SPTAN1: variants seen among roughly 807,000 people sequenced by gnomAD.
The protein encoded by SPTAN1 is spectrin alpha chain, non-erythrocytic 1.
SPTAN1 carries 61 observed loss-of-function variants against 331.3 expected under a neutral mutation model. The observed-to-expected ratio is 0.18, with a 90% CI of 0.15 to 0.23. The LOEUF is 0.23. Ranked by LOEUF, SPTAN1 falls within the 10% of genes least tolerant of loss-of-function variation. SPTAN1 has a pLI of 1.00. For synonymous variants in SPTAN1, 1,153 were observed against 1,173.9 expected, an observed-to-expected ratio of 0.98 and a Z score of 0.36; for missense variants, 2,043 against 3,147.9, an observed-to-expected ratio of 0.65 and a Z score of 8.40.
At chr9:128,628,242 A>G (rs1484161369) in intron 51 of SPTAN1, 1 of 547,174 alleles carries the variant, frequency 1.8e-6, no homozygotes, top group African/African-American at 1.9e-5. Flanking sequence ...GCTGGAGTCC[A>G]GAGGCCCTAA....
At chr9:128,595,620 C>T (rs1390159743) in intron 24 of SPTAN1, among the ~76,000 whole-genome samples, 6 of 152,010 alleles carry the variant, frequency 3.9e-5, no homozygotes, top group Non-Finnish European at 1.5e-5. Context: ...TTAGTACATT[C>T]ACAGTGTTGT....
At chr9:128,604,579 A>T (rs1020015178) in intron 29 of SPTAN1, among the ~76,000 whole-genome samples, 162 bp downstream of exon 29, 5 of 152,236 alleles carry the variant, frequency 3.3e-5, no homozygotes, top group African/African-American at 1.2e-4. Flanking sequence ...TAAGTGAATT[A>T]TTTGGCTTTT....
chr9:128,613,998 C>CCA (rs561468959), intron 40 of SPTAN1, among the ~76,000 whole-genome samples: 2 of 149,944 alleles, frequency 1.3e-5, no homozygotes, highest in South Asian at 4.2e-4. Context: ...GAGCAAGACT[C>CCA]CATCTCAAAA....
rs1060504931 is a variant in SPTAN1, at chr9:128,624,468, C to T, written c.5973C>T (p.Asp1991=). The change falls in exon 46 of 57, where the codon GAC becomes GAT. Residue 1991 remains aspartate (D), a synonymous_variant. Transcript: ENST00000372739. ...SAFLQFNWKA[D]VVESWIGEKE... ...TCCTTCAGTTCAACTGGAAGGCGGACGTGGTGGAGTCCTGGATCGGTGAGC... is the reference window on the plus strand; with the variant it reads ...TCCTTCAGTTCAACTGGAAGGCGGATGTGGTGGAGTCCTGGATCGGTGAGC... 3.7e-6 allele frequency: 6 copies of T among 1,613,296 alleles called. No individual in the cohort carries two copies. The highest frequency in any genetic ancestry group is 1.7e-5 in the Admixed American group (1 of 60,006).
At chr9:128,600,243 G>GTTCTCCTGTA in intron 27 of SPTAN1, 128 bp downstream of exon 27, 1 of 1,040,980 alleles carries the variant, frequency 9.6e-7, no homozygotes, top group African/African-American at 1.6e-5. Flanking sequence ...TGTTTGGGCT[G>GTTCTCCTGTA]GTTTCTTTCT....
Position 128,605,113 on chromosome 9 carries a change from A to G in SPTAN1, c.3799A>G (p.Ser1267Gly), listed in dbSNP as rs777912157. 4 of 1,614,010 alleles carry G rather than the reference A, an allele frequency of 2.5e-6. No individual in the cohort carries two copies. Among genetic ancestry groups the G allele is most frequent in the Admixed American group, 3.3e-5 (2 of 60,010 alleles). ...NTDNYGHDLASVQALQRKHEG... is the reference protein window; with the variant it reads ...NTDNYGHDLAGVQALQRKHEG... Reference sequence around the variant, plus strand: ...AGACAATTATGGACATGATCTCGCCAGTGTCCAGGCCCTGCAACGCAAGCA... The same window carrying G: ...AGACAATTATGGACATGATCTCGCCGGTGTCCAGGCCCTGCAACGCAAGCA... Residue 1267 changes from serine to glycine, a missense_variant, in exon 30 of 57, where the codon AGT becomes GGT. Around this residue, in one of 12 missense-constraint regions of SPTAN1, gnomAD observed 42 missense variants for 106.0 expected, o/e 0.40. Coordinates refer to ENST00000372739, the MANE Select transcript of SPTAN1 (RefSeq NM_001130438.3).
chr9:128,619,213 G>T (rs1412831142), intron 44 of SPTAN1, among the ~76,000 whole-genome samples: 1 of 152,222 alleles, frequency 6.6e-6, no homozygotes, highest in Non-Finnish European at 1.5e-5. Flanking sequence ...GGCTTTGTCA[G>T]TCTCAGTTCA....
chr9:128,574,568 T>C (rs1473012178), intron 3 of SPTAN1, 107 bp from the exon 4 acceptor site: 42 of 1,302,954 alleles, frequency 3.2e-5, no homozygotes, highest in Non-Finnish European at 3.3e-6. Context: ...TAAAAATATT[T>C]TTATTCAGCG....
At chr9:128,610,288 G>T (rs1409210746) in intron 37 of SPTAN1, among the ~76,000 whole-genome samples, 1 of 152,242 alleles carries the variant, frequency 6.6e-6, no homozygotes, top group Non-Finnish European at 1.5e-5. Context: ...GCGGGTGGAA[G>T]AAATGAAGAT....
At chr9:128,622,673 T>A (rs1015889878) in intron 45 of SPTAN1, among the ~76,000 whole-genome samples, 1 of 152,200 alleles carries the variant, frequency 6.6e-6, no homozygotes, top group Admixed American at 6.5e-5. Flanking sequence ...TTTTTCTTTT[T>A]ATTTTCCCCC....
chr9:128,615,580 C>CAGATAGCTGTGGG (rs1336862319), intron 40 of SPTAN1, 52 bp from the exon 41 acceptor site: 4 of 1,591,868 alleles, frequency 2.5e-6, no homozygotes, highest in Non-Finnish European at 3.4e-6. Flanking sequence ...TATGTTCAAG[C>CAGATAGCTGTGGG]AGATAGCTGT....
At chr9:128,570,337 T>A (rs1464445784) in intron 3 of SPTAN1, among the ~76,000 whole-genome samples, 246 of 10,466 alleles carry the variant, frequency 0.024, no homozygotes, top group East Asian at 0.079. Flanking sequence ...TATATTTTTT[T>A]TTTTTTTTTT....
At chr9:128,617,872 T>C (rs1355499373) in intron 42 of SPTAN1, 112 bp downstream of exon 42, 1 of 1,612,018 alleles carries the variant, frequency 6.2e-7, no homozygotes, top group East Asian at 2.2e-5. Flanking sequence ...TCATGACCCC[T>C]CAGTCCAAAC....
intron 3 of SPTAN1, among the ~76,000 whole-genome samples, chr9:128,570,339 T>G (rs1397894648): frequency 1.3e-4 from 3 of 23,538 alleles, no homozygotes; most frequent in Non-Finnish European, 2.7e-4. Flanking sequence ...TATTTTTTTT[T>G]TTTTTTTTTT....
At chr9:128,591,692 G>T in intron 22 of SPTAN1, 67 bp downstream of exon 22, 1 of 1,602,940 alleles carries the variant, frequency 6.2e-7, no homozygotes, top group Non-Finnish European at 8.5e-7. Context: ...CACATGGGCC[G>T]AAGCTTAGGC....
chr9:128,564,147 G>A (rs1043868472), intron 1 of SPTAN1, among the ~76,000 whole-genome samples: 4 of 152,130 alleles, frequency 2.6e-5, no homozygotes, highest in African/African-American at 9.7e-5. Context: ...ATGGCTGTGC[G>A]TGGTGGCTCA....
intron 44 of SPTAN1, 30 bp downstream of exon 44, chr9:128,619,033 T>C (rs764068403): frequency 1.4e-4 from 231 of 1,612,716 alleles, no homozygotes; most frequent in Non-Finnish European, 1.9e-4. Flanking sequence ...TGTCACCTGC[T>C]TTCTCTCTTG....
intron 1 of SPTAN1, among the ~76,000 whole-genome samples, chr9:128,557,799 CTTTTTTTTTTTTTT>C (rs72214808): frequency 7.1e-5 from 6 of 85,006 alleles, no homozygotes; most frequent in Admixed American, 1.5e-4. Flanking sequence ...TTAGAAATTT[CTTTTTTTTTTTTTT>C]TTTTTTTTGA....
intron 20 of SPTAN1, among the ~76,000 whole-genome samples, chr9:128,588,053 A>T (rs1419581307): frequency 6.9e-6 from 1 of 144,226 alleles, no homozygotes; most frequent in Non-Finnish European, 1.5e-5. Context: ...GCTAGAGTGC[A>T]GTGGCACTAT....
Sources: allele counts gnomAD v4.1 joint callset (sites outside exome capture counted in the v4.1 genomes callset), GRCh38; gene constraint gnomAD v4.1.1; regional missense constraint gnomAD v4.1.1; transcripts MANE v1.5; gene names NCBI Gene and HGNC (gene_info 2026-07-23, HGNC 2026-07-21).